The following PSD3 variants were observed in gnomAD, a reference collection of about 807,000 sequenced individuals.
The protein encoded by PSD3 is pleckstrin and Sec7 domain containing 3, also known as PH and SEC7 domain-containing protein 3.
Under a neutral mutation model 105.5 loss-of-function variants are expected in PSD3, and 49 were observed. The ratio of observed to expected loss-of-function variants is 0.46; its 90% confidence interval spans 0.37 to 0.59. The LOEUF (loss-of-function observed/expected upper bound fraction) is 0.59. PSD3 is among the 20% of genes least tolerant of loss of function. PSD3 has a pLI of 0.00. For synonymous variants in PSD3, 557 were observed against 457.8 expected (o/e 1.22, Z -2.77); for missense variants, 1,561 against 1,263.8 (o/e 1.24, Z -3.57).
chr8:18,982,599 T>G (rs1463748151), intron 1 of PSD3, among the ~76,000 whole-genome samples: 1 of 152,222 alleles, frequency 6.6e-6, no homozygotes. Context: ...GAATGAATGC[T>G]GAGTTAACAG....
At chr8:18,789,386 T>C (rs1276690719) in intron 8 of PSD3, among the ~76,000 whole-genome samples, 1 of 152,170 alleles carries the variant, frequency 6.6e-6, no homozygotes, top group Non-Finnish European at 1.5e-5. Context: ...CAATTTTAAG[T>C]GCTATTCTTT....
chr8:18,558,649 T>G (rs560101983), intron 14 of PSD3, among the ~76,000 whole-genome samples: 3 of 152,044 alleles, frequency 2.0e-5, no homozygotes, highest in Non-Finnish European at 4.4e-5. Context: ...GGTGAAACCC[T>G]GTCTCTACTA....
chr8:18,668,575 G>A (rs147792255), intron 9 of PSD3, among the ~76,000 whole-genome samples: 2 of 152,290 alleles, frequency 1.3e-5, no homozygotes, highest in East Asian at 1.9e-4. Context: ...AGGCTGCCAA[G>A]GTCATACAGC....
rs1808848947 is a variant in PSD3, at chr8:18,655,834, T to C, written c.2173-149A>G. On this transcript the variant is annotated intron_variant, in intron 9 of 15. Coordinates refer to ENST00000327040, the MANE Select transcript of PSD3 (RefSeq NM_015310.4). ...TGCTTTTAGAAAGGTGAAGAATACA[T>C]GGGGAGGCAAATGAGCATTGGGTGA... 8.9e-6 allele frequency: 6 copies of C among 677,940 alleles called. No individual in the cohort carries two copies. In the South Asian group the frequency reaches 1.1e-4, roughly 12 times the overall value. 42.0% of individuals were successfully genotyped at this position (677,940 alleles called of 1,614,324 possible).
chr8:18,554,678 C>G (rs945226392), intron 15 of PSD3, among the ~76,000 whole-genome samples: 8 of 152,162 alleles, frequency 5.3e-5, no homozygotes, highest in African/African-American at 1.9e-4. Flanking sequence ...TGGAAATGAA[C>G]TTAGGCTCAT....
intron 15 of PSD3, among the ~76,000 whole-genome samples, chr8:18,541,340 C>T (rs926215850): frequency 3.3e-5 from 5 of 151,946 alleles, no homozygotes; most frequent in African/African-American, 4.8e-5. Context: ...TTTCCATACA[C>T]GGTAGAAAAT....
chr8:19,078,184 C>T (rs190845106), intron 1 of PSD3, among the ~76,000 whole-genome samples: 1 of 152,008 alleles, frequency 6.6e-6, no homozygotes, highest in Non-Finnish European at 1.5e-5. Flanking sequence ...GCATGAGTCA[C>T]CGAGCCAAGC....
At chr8:18,771,016 C>G (rs897182903) in intron 8 of PSD3, among the ~76,000 whole-genome samples, 1 of 152,220 alleles carries the variant, frequency 6.6e-6, no homozygotes, top group Non-Finnish European at 1.5e-5. Flanking sequence ...TTGGCTGTCT[C>G]TGGCCAGATT....
At chr8:19,032,678 C>T (rs894682335) in intron 1 of PSD3, among the ~76,000 whole-genome samples, 1 of 150,352 alleles carries the variant, frequency 6.7e-6, no homozygotes, top group African/African-American at 2.4e-5. Context: ...GAAAGGAATC[C>T]AAGTTGATTT....
intron 2 of PSD3, among the ~76,000 whole-genome samples, chr8:18,930,673 G>A (rs1024262829): frequency 6.7e-6 from 1 of 150,306 alleles, no homozygotes; most frequent in East Asian, 2.0e-4. Context: ...GGCTTCAACC[G>A]ATTCTCCTGC....
intron 1 of PSD3, among the ~76,000 whole-genome samples, chr8:18,946,786 T>A (rs1239556287): frequency 6.6e-6 from 1 of 150,724 alleles, no homozygotes; most frequent in Non-Finnish European, 1.5e-5. Flanking sequence ...GTGCCGGTAA[T>A]CCCAGATACT....
chr8:18,865,260 ATATATATATATATATATATATATATATT>A (rs1563360243), intron 4 of PSD3: 132 of 3,684 alleles, frequency 0.036, 10 homozygotes, highest in Middle Eastern at 0.067. Flanking sequence ...ATATATATAT[ATATATATATATATATATATATATATATT>A]TTTTTTTTTT....
At position 19,078,155 on chromosome 8, in the gene PSD3, C is replaced by G. The variant is rs148614105; in HGVS notation, c.324+6051G>C. On this transcript the variant is annotated intron_variant, in intron 1 of 1. Coordinates refer to the PSD3 transcript ENST00000521475. ...AACTGAGATTCCTTCCTCGGCCTCC[C>G]AAAGCGCTGGGATTACAGGCATGAG... is the stretch of plus-strand genomic sequence containing the variant. Among the ~76,000 whole-genome samples, 493 of 152,156 alleles carry G rather than the reference C, an allele frequency of 3.2e-3. 5 individuals are homozygous for G. Among genetic ancestry groups the G allele is most frequent in the African/African-American group, 0.011 (454 of 41,502 alleles).
At chr8:18,626,272 T>TTGAG (rs150486583) in intron 11 of PSD3, among the ~76,000 whole-genome samples, 13,715 of 151,868 alleles carry the variant, frequency 0.09, 838 homozygotes, top group East Asian at 0.19. Context: ...ACACCAAATC[T>TTGAG]TGAGTGAAAT....
At chr8:18,867,025 T>G (rs1274704817) in intron 4 of PSD3, among the ~76,000 whole-genome samples, 1 of 152,000 alleles carries the variant, frequency 6.6e-6, no homozygotes, top group East Asian at 1.9e-4. Flanking sequence ...AATCCCCAAA[T>G]AACAGGCATG....
At chr8:19,076,082 G>A (rs531864542) in intron 1 of PSD3, among the ~76,000 whole-genome samples, 21 of 139,864 alleles carry the variant, frequency 1.5e-4, no homozygotes, top group Non-Finnish European at 2.6e-4. Context: ...AAAAAGATAG[G>A]TTGTTATGGA....
At chr8:19,020,208 T>G (rs966497318) in intron 1 of PSD3, among the ~76,000 whole-genome samples, 1 of 152,032 alleles carries the variant, frequency 6.6e-6, no homozygotes, top group African/African-American at 2.4e-5. Flanking sequence ...GCAAGATAAG[T>G]AAATATATGT....
At chr8:18,639,182 C>G (rs1020826611) in intron 10 of PSD3, among the ~76,000 whole-genome samples, 2 of 152,182 alleles carry the variant, frequency 1.3e-5, no homozygotes, top group African/African-American at 4.8e-5. Context: ...TTCCTAAGGA[C>G]TATGCTATAC....
upstream of PSD3, among the ~76,000 whole-genome samples, chr8:19,017,121 C>A (rs1283402392): frequency 6.8e-6 from 1 of 147,000 alleles, no homozygotes; most frequent in Non-Finnish European, 1.5e-5. Context: ...GGTGCAATCA[C>A]AGCTCACTGC....
Sources: gnomAD v4.1 joint callset for allele counts (sites outside exome capture counted in the v4.1 genomes callset) on GRCh38, gnomAD v4.1.1 for gene constraint, MANE v1.5 for transcripts, NCBI Gene and HGNC (gene_info 2026-07-23, HGNC 2026-07-21) for gene names.